Variants in PRKCA observed in about 807,000 individuals in gnomAD.
PRKCA encodes the protein protein kinase C alpha.
Under a neutral mutation model 87.0 loss-of-function variants are expected in PRKCA, and 27 were observed. That is an observed-to-expected ratio of 0.31 (90% CI 0.23 to 0.43). The LOEUF (loss-of-function observed/expected upper bound fraction) is 0.43. Among genes scored for constraint, PRKCA ranks in the 20% least tolerant of loss-of-function variants. The pLI is 1.00. For missense variants in PRKCA, 518 were observed against 852.3 expected, an observed-to-expected ratio of 0.61 and a Z score of 4.88; for synonymous variants, 329 against 311.1, an observed-to-expected ratio of 1.06 and a Z score of -0.61.
chr17:66,405,698 C>G (rs1911330483), intron 2 of PRKCA, among the ~76,000 whole-genome samples: 1 of 152,230 alleles, frequency 6.6e-6, no homozygotes, highest in East Asian at 1.9e-4. Context: ...TCCAATCATT[C>G]AATCCCTATT....
intron 3 of PRKCA, among the ~76,000 whole-genome samples, chr17:66,530,242 C>A (rs559288608): frequency 1.3e-5 from 2 of 152,058 alleles, no homozygotes; most frequent in Admixed American, 6.5e-5. Flanking sequence ...TTGGTTTGAG[C>A]GACGGAAGGA....
At chr17:66,736,131 G>A (rs771801299) in intron 10 of PRKCA, among the ~76,000 whole-genome samples, 8 of 151,296 alleles carry the variant, frequency 5.3e-5, no homozygotes, top group African/African-American at 1.2e-4. Context: ...ATCCCCCTAC[G>A]TTGGCCTCCT....
intron 10 of PRKCA, among the ~76,000 whole-genome samples, chr17:66,737,528 T>C (rs966376226): frequency 1.3e-5 from 2 of 152,262 alleles, no homozygotes; most frequent in Non-Finnish European, 2.9e-5. Context: ...TGATCAGAGA[T>C]TGACTTTCTG....
chr17:66,801,035 A>T (rs557592027), intron 16 of PRKCA, among the ~76,000 whole-genome samples: 7 of 152,280 alleles, frequency 4.6e-5, no homozygotes, highest in Admixed American at 4.6e-4. Context: ...CAGGTTCCAA[A>T]AGGATGTTCC....
intron 5 of PRKCA, among the ~76,000 whole-genome samples, chr17:66,650,283 C>T (rs1971557018): frequency 6.6e-6 from 1 of 152,140 alleles, no homozygotes; most frequent in Non-Finnish European, 1.5e-5. Context: ...TATGGGAAAG[C>T]CCCGAGCTTT....
chr17:66,665,998 A>G (rs547780293), intron 5 of PRKCA, among the ~76,000 whole-genome samples: 4 of 152,132 alleles, frequency 2.6e-5, no homozygotes, highest in African/African-American at 9.7e-5. Context: ...ACCAATTCCA[A>G]TGTAGTCCTG....
At chr17:66,461,909 C>G (rs1914872088) in intron 2 of PRKCA, among the ~76,000 whole-genome samples, 2 of 151,922 alleles carry the variant, frequency 1.3e-5, no homozygotes, top group African/African-American at 4.8e-5. Context: ...GAGGAGGAGA[C>G]TGGGGTTCCT....
chr17:66,697,055 A>G (rs1972941418), intron 8 of PRKCA, among the ~76,000 whole-genome samples: 1 of 152,172 alleles, frequency 6.6e-6, no homozygotes, highest in Non-Finnish European at 1.5e-5. Context: ...CATCGTCATC[A>G]CACCTCGCCT....
chr17:66,670,512 T>TA (rs1435461628), intron 5 of PRKCA, among the ~76,000 whole-genome samples: 1 of 152,158 alleles, frequency 6.6e-6, no homozygotes, highest in Admixed American at 6.5e-5. Context: ...AAATGTAGGA[T>TA]AAAAAATGTT....
At chr17:66,710,140 G>A (rs1270591582) in intron 8 of PRKCA, among the ~76,000 whole-genome samples, 1 of 152,052 alleles carries the variant, frequency 6.6e-6, no homozygotes. Flanking sequence ...CTTGATTCTA[G>A]GCCTTTCACT....
At chr17:66,629,156 C>T (rs971667264) in intron 3 of PRKCA, among the ~76,000 whole-genome samples, 5 of 152,252 alleles carry the variant, frequency 3.3e-5, no homozygotes, top group African/African-American at 9.6e-5. Flanking sequence ...ACAGTCCTGC[C>T]GATTTGGACT....
At chr17:66,605,637 T>A (rs1970183185) in intron 3 of PRKCA, among the ~76,000 whole-genome samples, 2 of 152,132 alleles carry the variant, frequency 1.3e-5, no homozygotes, top group Admixed American at 6.5e-5. Context: ...TTACAAAAAT[T>A]AATACAAGAA....
At chr17:66,701,383 T>G (rs1161912911) in intron 8 of PRKCA, among the ~76,000 whole-genome samples, 5 of 152,088 alleles carry the variant, frequency 3.3e-5, no homozygotes, top group Admixed American at 2.6e-4. Flanking sequence ...TTCATGACAT[T>G]GGTCTTGACA....
At position 66,338,000 on chromosome 17, in the gene PRKCA, T is replaced by TC. The variant is rs143400908; in HGVS notation, c.205+31881dup. On this transcript the variant is annotated intron_variant, in intron 2 of 16. Transcript: ENST00000413366. ...TATGTGTGATTGAACCTGGGAATCT[T>TC]CCCCCCCCTCCGCCCCCCTTAATTT... Among the ~76,000 whole-genome samples, 1,420 of 149,234 alleles carry TC rather than the reference T, an allele frequency of 9.5e-3. 24 individuals are homozygous for TC. Among genetic ancestry groups the TC allele is most frequent in the African/African-American group, 0.03 (1,190 of 40,210 alleles).
chr17:66,569,454 A>G (rs977723200), intron 3 of PRKCA, among the ~76,000 whole-genome samples: 5 of 152,206 alleles, frequency 3.3e-5, no homozygotes, highest in African/African-American at 1.2e-4. Flanking sequence ...CTGTAATCCC[A>G]GCTACCTGGG....
intron 2 of PRKCA, among the ~76,000 whole-genome samples, chr17:66,433,268 C>T (rs1009694899): frequency 3.3e-5 from 5 of 152,156 alleles, no homozygotes; most frequent in Non-Finnish European, 7.4e-5. Context: ...TTCCCTGCAG[C>T]CCCGGCCCCA....
chr17:66,779,863 G>A (rs947043690), intron 14 of PRKCA, among the ~76,000 whole-genome samples: 1 of 152,188 alleles, frequency 6.6e-6, no homozygotes, highest in South Asian at 2.1e-4. Context: ...CATGGGAATG[G>A]GGGAAAGAGG....
chr17:66,480,541 A>G (rs1353968278), intron 2 of PRKCA, among the ~76,000 whole-genome samples: 7 of 152,202 alleles, frequency 4.6e-5, no homozygotes, highest in African/African-American at 1.7e-4. Flanking sequence ...TTCCGCATGT[A>G]TTTGTCTCTA....
intron 3 of PRKCA, among the ~76,000 whole-genome samples, chr17:66,633,031 C>T (rs969010828): frequency 2.0e-5 from 3 of 152,188 alleles, no homozygotes; most frequent in Non-Finnish European, 2.9e-5. Context: ...TCACCAAAAA[C>T]GGAATTTCTT....
Sources: allele counts gnomAD v4.1 joint callset (sites outside exome capture counted in the v4.1 genomes callset), GRCh38; gene constraint gnomAD v4.1.1; transcripts MANE v1.5; gene names NCBI Gene and HGNC (gene_info 2026-07-23, HGNC 2026-07-21).